ADGRL2: variants seen among roughly 807,000 people sequenced by gnomAD.
ADGRL2 encodes the protein adhesion G protein-coupled receptor L2.
ADGRL2 carries 44 observed loss-of-function variants against 157.4 expected under a neutral mutation model. That is an observed-to-expected ratio of 0.28 (90% CI 0.22 to 0.36). The LOEUF (loss-of-function observed/expected upper bound fraction) is 0.36. ADGRL2 is among the 10% of genes least tolerant of loss of function. The pLI is 1.00. For missense variants in ADGRL2, 1,510 were observed against 1,768.9 expected, an observed-to-expected ratio of 0.85 and a Z score of 2.63; for synonymous variants, 585 against 624.7, an observed-to-expected ratio of 0.94 and a Z score of 0.95.
In ADGRL2 at chr1:81,633,446, A is replaced by G. The variant is rs2082052257; in HGVS notation, c.-143+52466A>G. 2.0e-5 allele frequency among the ~76,000 whole-genome samples: 3 copies of G among 151,840 alleles called. No homozygotes were observed. The South Asian group carries it at 6.2e-4, about 32-fold the overall frequency. The stretch of plus-strand genomic sequence containing the variant: ...CCCTGTCTCCACTAAAAATAAAAAA[A>G]TCAGCCAGGCATGGTGGCACACACC... On this transcript the variant is annotated intron_variant, in intron 3 of 24. Coordinates refer to the ADGRL2 transcript ENST00000370721.
rs1297383402 is a variant in ADGRL2, at chr1:81,437,541, T to G, written c.-301-7495T>G. On this transcript the variant is annotated intron_variant, in intron 1 of 24. Coordinates refer to the ADGRL2 transcript ENST00000370721. ...CAAAATCTGTTTTTAGCTCAGTCAT[T>G]CATCCTGTTGGATGTGTGATGTGTT... is the stretch of plus-strand genomic sequence containing the variant. 2.6e-5 allele frequency among the ~76,000 whole-genome samples: 4 copies of G among 152,358 alleles called. No individual in the cohort carries two copies. The South Asian group carries it at 6.2e-4, about 24-fold the overall frequency.
chr1:81,445,266 A>G (rs1171746697), intron 2 of ADGRL2, among the ~76,000 whole-genome samples: 2 of 152,194 alleles, frequency 1.3e-5, no homozygotes, highest in African/African-American at 4.8e-5. Context: ...GGAAGAAGAA[A>G]CTACATGTAT....
chr1:81,603,777 T>C (rs183296929), intron 3 of ADGRL2, among the ~76,000 whole-genome samples: 1 of 152,218 alleles, frequency 6.6e-6, no homozygotes, highest in Admixed American at 6.5e-5. Context: ...AAGCAAAGGC[T>C]CTGCCATTAA....
At chr1:81,811,231 C>T (rs1215649010) in intron 1 of ADGRL2, among the ~76,000 whole-genome samples, 2 of 151,712 alleles carry the variant, frequency 1.3e-5, no homozygotes, top group African/African-American at 2.4e-5. Context: ...TAACTGATAC[C>T]TCAGTATGAT....
chr1:81,604,716 G>A (rs182066598), intron 3 of ADGRL2, among the ~76,000 whole-genome samples: 2 of 152,078 alleles, frequency 1.3e-5, no homozygotes, highest in South Asian at 4.1e-4. Flanking sequence ...ATCTTGTCTT[G>A]CAGTGCTCAG....
chr1:81,570,833 T>C (rs1405424767), intron 2 of ADGRL2, among the ~76,000 whole-genome samples: 1 of 152,166 alleles, frequency 6.6e-6, no homozygotes, highest in African/African-American at 2.4e-5. Context: ...CATTTTGCTC[T>C]AGTACAGATT....
rs372620044 is a variant in ADGRL2 at position 81,990,960 on chromosome 1, A to G, written c.4225A>G (p.Arg1409Gly). The change falls in exon 24 of 24, where the codon AGG (arginine) becomes GGG (glycine). Residue 1409 changes from arginine to glycine, a missense_variant. Arg to Gly is a moderately radical substitution (Grantham distance 125). Around this residue, in one of 4 missense-constraint regions of ADGRL2, gnomAD observed 327 missense variants for 310.1 expected, o/e 1.05. Coordinates refer to ENST00000686636, the MANE Select transcript of ADGRL2 (RefSeq NM_001366006.2). ...DMEEDLSPSR[R>G]SENEDIYYKS... Reference sequence around the variant, plus strand: ...GGAAGAAGACCTCTCTCCCTCCAGGAGGAGTGAGAATGAGGACATTTACTA... The same window carrying G: ...GGAAGAAGACCTCTCTCCCTCCAGGGGGAGTGAGAATGAGGACATTTACTA... The G allele has an allele frequency of 5.0e-6, 8 of 1,613,704 alleles. No homozygotes were observed. The highest frequency in any genetic ancestry group is 4.5e-5 in the East Asian group (2 of 44,866).
intron 2 of ADGRL2, among the ~76,000 whole-genome samples, chr1:81,447,822 T>G (rs576514140): frequency 1.3e-3 from 203 of 152,254 alleles, no homozygotes; most frequent in African/African-American, 4.6e-3. Context: ...TCAATTGTAA[T>G]CCCCAATGTT....
chr1:81,767,450 C>T (rs533705598), intron 2 of ADGRL2, among the ~76,000 whole-genome samples: 50 of 152,150 alleles, frequency 3.3e-4, no homozygotes, highest in African/African-American at 1.1e-3. Context: ...CTAGAAAGTG[C>T]TACTAAATGT....
intron 1 of ADGRL2, chr1:81,723,163 C>T: frequency 1.8e-6 from 1 of 569,254 alleles, no homozygotes; most frequent in Non-Finnish European, 3.2e-6. Context: ...GTACCTCTGA[C>T]CTTCTCATCA....
chr1:81,892,598 G>T (rs551308875), intron 2 of ADGRL2, among the ~76,000 whole-genome samples: 1 of 152,128 alleles, frequency 6.6e-6, no homozygotes, highest in South Asian at 2.1e-4. Flanking sequence ...GTCCAAACCA[G>T]TTGGAATAGT....
chr1:81,572,985 A>G (rs1178014992), intron 2 of ADGRL2, among the ~76,000 whole-genome samples: 3 of 151,612 alleles, frequency 2.0e-5, no homozygotes, highest in South Asian at 4.2e-4. Context: ...AATATTACCA[A>G]TAACAATTTC....
At chr1:81,587,178 A>G (rs988440594) in intron 3 of ADGRL2, among the ~76,000 whole-genome samples, 2 of 152,136 alleles carry the variant, frequency 1.3e-5, no homozygotes, top group African/African-American at 4.8e-5. Flanking sequence ...GTAGAGGTAC[A>G]AAGACAAATC....
intron 2 of ADGRL2, among the ~76,000 whole-genome samples, chr1:81,568,875 A>C (rs1340001671): frequency 6.6e-6 from 1 of 152,118 alleles, no homozygotes; most frequent in Non-Finnish European, 1.5e-5. Context: ...CCTGTTCTCC[A>C]TCCTCTACTG....
At chr1:81,615,458 G>A (rs186450343) in intron 3 of ADGRL2, among the ~76,000 whole-genome samples, 21 of 152,306 alleles carry the variant, frequency 1.4e-4, no homozygotes, top group Non-Finnish European at 2.4e-4. Flanking sequence ...AACACTCACC[G>A]CGAAGGTCTG....
rs185723497 is a variant in ADGRL2, at chr1:81,931,615, T to G, written c.288-5113T>G. Among the ~76,000 whole-genome samples, 422 of 152,280 alleles carry G rather than the reference T, an allele frequency of 2.8e-3. 1 individual carries two copies. The highest frequency in any genetic ancestry group is 9.7e-3 in the African/African-American group (404 of 41,548). ...GGGACTGAGTGCTTATGTAGTTTTA[T>G]GTTTATTTTCTACTTAGTATTTAAT... On this transcript the variant is annotated intron_variant, in intron 3 of 23. Coordinates refer to ENST00000686636, the MANE Select transcript of ADGRL2 (RefSeq NM_001366006.2).
chr1:81,806,345 T>C (rs1163303418), intron 1 of ADGRL2, among the ~76,000 whole-genome samples: 2 of 152,064 alleles, frequency 1.3e-5, no homozygotes, highest in Non-Finnish European at 2.9e-5. Context: ...GGGTTTTTAC[T>C]GCTGCAATTT....
chr1:81,562,425 TA>T (rs1296798727), intron 2 of ADGRL2, among the ~76,000 whole-genome samples: 1 of 152,210 alleles, frequency 6.6e-6, no homozygotes, highest in African/African-American at 2.4e-5. Context: ...TTTAATGTAC[TA>T]AATTACTATC....
Position 81,801,290 on chromosome 1 carries a change from T to C in ADGRL2, c.-101+222T>C, listed in dbSNP as rs548318046. Among the ~76,000 whole-genome samples, 249 of 152,296 alleles carry C rather than the reference T, an allele frequency of 1.6e-3. 1 individual carries two copies. Among genetic ancestry groups the C allele is most frequent in the African/African-American group, 5.5e-3 (228 of 41,578 alleles). On this transcript the variant is annotated intron_variant, in intron 1 of 23. Coordinates refer to ENST00000686636, the MANE Select transcript of ADGRL2 (RefSeq NM_001366006.2). Reference sequence around the variant, plus strand: ...TCCTTTGACGCTGTACACGCTAGTATGTTTATATGATTAGCCCAACTGGCG... The same window carrying C: ...TCCTTTGACGCTGTACACGCTAGTACGTTTATATGATTAGCCCAACTGGCG...
Sources: gnomAD v4.1 joint callset for allele counts (sites outside exome capture counted in the v4.1 genomes callset) on GRCh38, gnomAD v4.1.1 for gene constraint, gnomAD v4.1.1 regional missense constraint, MANE v1.5 for transcripts, NCBI Gene and HGNC (gene_info 2026-07-23, HGNC 2026-07-21) for gene names.